The following PTCHD4 variants were observed in gnomAD, a reference collection of about 807,000 sequenced individuals.
PTCHD4 encodes the protein patched domain containing 4.
PTCHD4 carries 33 observed loss-of-function variants against 58.1 expected under a neutral mutation model. That is an observed-to-expected ratio of 0.57 (90% CI 0.43 to 0.76). PTCHD4 has a LOEUF of 0.76. PTCHD4 is among the 30% of genes least tolerant of loss of function. The pLI, the probability that PTCHD4 is intolerant of heterozygous loss-of-function variation, is 0.00. For synonymous variants in PTCHD4, 478 were observed against 409.6 expected (o/e 1.17, Z -2.02); for missense variants, 1,058 against 1,027.1 (o/e 1.03, Z -0.41).
At chr6:47,993,046 C>T (rs1209539961) in intron 4 of PTCHD4, among the ~76,000 whole-genome samples, 2 of 152,166 alleles carry the variant, frequency 1.3e-5, no homozygotes, top group African/African-American at 2.4e-5. Context: ...CTATTTTCAG[C>T]TGCAAAAGCA....
rs1290329278 is a variant in PTCHD4, at chr6:47,868,639, T to A, written c.*9664A>T. Among the ~76,000 whole-genome samples the A allele has an allele frequency of 6.6e-6, 1 of 151,828 alleles. No homozygotes were observed. Among genetic ancestry groups the A allele is most frequent in the Non-Finnish European group, 1.5e-5 (1 of 67,838 alleles). On this transcript the variant is annotated 3_prime_UTR_variant, in exon 5 of 5. Transcript: ENST00000339488. ...GTGGAGAATTTCAACTTGAAGCACA[T>A]ATAAATGACAATAAATAGTACTTTT...
chr6:47,911,236 T>C (rs1198581842), intron 4 of PTCHD4, among the ~76,000 whole-genome samples: 1 of 152,072 alleles, frequency 6.6e-6, no homozygotes, highest in African/African-American at 2.4e-5. Flanking sequence ...TCTTTTCCCT[T>C]CTTTTTCAGG....
chr6:48,063,153 G>A (rs541721390), intron 3 of PTCHD4, among the ~76,000 whole-genome samples: 10 of 152,218 alleles, frequency 6.6e-5, no homozygotes, highest in South Asian at 6.2e-4. Context: ...AAAACTTTGG[G>A]CCAGGTTACA....
chr6:47,979,687 A>G (rs1767810454), intron 4 of PTCHD4, among the ~76,000 whole-genome samples: 2 of 152,114 alleles, frequency 1.3e-5, no homozygotes, highest in Admixed American at 1.3e-4. Context: ...AGTACCTAAT[A>G]TCCAATTTGA....
chr6:47,936,175 G>A (rs979023991), intron 4 of PTCHD4, among the ~76,000 whole-genome samples: 21 of 152,176 alleles, frequency 1.4e-4, no homozygotes, highest in East Asian at 1.9e-4. Context: ...TATTGCAGTC[G>A]ACTAGGTGAA....
In PTCHD4 at chr6:48,085,312, A is replaced by G. The variant is rs531240345; in HGVS notation, c.-969-15386T>C. Among the ~76,000 whole-genome samples the G allele has an allele frequency of 4.6e-5, 7 of 152,348 alleles. No homozygotes were observed. The East Asian group carries it at 1.2e-3, about 25-fold the overall frequency. On this transcript the variant is annotated intron_variant, in intron 1 of 4. Transcript: ENST00000339488. The stretch of plus-strand genomic sequence containing the variant: ...ATACTTATTTTTATCACTATCAGTT[A>G]TAACACATCTTAGCAGATTCCACTT...
rs1301893247 is a variant in PTCHD4 at position 47,874,999 on chromosome 6, T to C, written c.*3304A>G. 1.3e-5 allele frequency among the ~76,000 whole-genome samples: 2 copies of C among 151,808 alleles called. No homozygotes were observed. Among genetic ancestry groups the C allele is most frequent in the African/African-American group, 4.8e-5 (2 of 41,384 alleles). On this transcript the variant is annotated 3_prime_UTR_variant, in exon 5 of 5. Coordinates refer to ENST00000339488, the MANE Select transcript of PTCHD4 (RefSeq NM_001384253.1). ...TTATTAACATCAAAGAGAGTGGAGC[T>C]CACATGGCACTTTCCAATTCAAATT...
At chr6:48,048,510 T>G (rs1485733365) in intron 3 of PTCHD4, among the ~76,000 whole-genome samples, 6 of 151,894 alleles carry the variant, frequency 4.0e-5, no homozygotes, top group African/African-American at 1.4e-4. Context: ...GTTGCCAAAA[T>G]GGGGAAAAAT....
intron 4 of PTCHD4, among the ~76,000 whole-genome samples, chr6:47,988,664 G>T (rs572833028): frequency 2.0e-5 from 3 of 152,122 alleles, no homozygotes; most frequent in African/African-American, 7.2e-5. Context: ...TCTATCAGGG[G>T]GTTCTGCTTT....
intron 1 of PTCHD4, among the ~76,000 whole-genome samples, chr6:48,071,224 C>G (rs1035787236): frequency 1.3e-4 from 20 of 152,196 alleles, no homozygotes; most frequent in African/African-American, 4.8e-4. Flanking sequence ...ATTTCCCACA[C>G]TTCCTTCTTC....
intron 4 of PTCHD4, among the ~76,000 whole-genome samples, chr6:47,950,084 T>C (rs1487555993): frequency 2.3e-5 from 3 of 131,886 alleles, no homozygotes; most frequent in African/African-American, 8.5e-5. Flanking sequence ...CCTGTGTCCA[T>C]GTGTTCTCAT....
chr6:47,917,440 G>A (rs1040312365), intron 4 of PTCHD4, among the ~76,000 whole-genome samples: 13 of 152,186 alleles, frequency 8.5e-5, no homozygotes, highest in African/African-American at 2.4e-4. Context: ...TATACAAATC[G>A]TGTATTACTA....
intron 4 of PTCHD4, among the ~76,000 whole-genome samples, chr6:48,000,736 A>G (rs12525848): frequency 0.047 from 7,193 of 152,160 alleles, 203 homozygotes; most frequent in African/African-American, 0.058. Flanking sequence ...TCCTTTACCT[A>G]TAGTAGGTGA....
At chr6:47,917,729 A>T (rs1406429667) in intron 4 of PTCHD4, among the ~76,000 whole-genome samples, 1 of 152,194 alleles carries the variant, frequency 6.6e-6, no homozygotes, top group African/African-American at 2.4e-5. Context: ...GGAAGTTTGA[A>T]ATATTTCTGG....
At chr6:48,004,692 G>A (rs967056298) in intron 4 of PTCHD4, among the ~76,000 whole-genome samples, 3 of 152,266 alleles carry the variant, frequency 2.0e-5, no homozygotes, top group Admixed American at 6.5e-5. Flanking sequence ...CAAGGCAGGT[G>A]GATCACCTGA....
At chr6:47,944,709 C>A (rs1040564666) in intron 4 of PTCHD4, among the ~76,000 whole-genome samples, 2 of 152,030 alleles carry the variant, frequency 1.3e-5, no homozygotes, top group African/African-American at 4.8e-5. Flanking sequence ...TCTCTGTTTG[C>A]AATGAAACTT....
At chr6:47,884,555 A>C (rs996293276) in intron 4 of PTCHD4, among the ~76,000 whole-genome samples, 2 of 152,192 alleles carry the variant, frequency 1.3e-5, no homozygotes, top group African/African-American at 4.8e-5. Flanking sequence ...TATAAATGTG[A>C]CATGCCCCAC....
Position 47,931,505 on chromosome 6 carries a change from A to G in PTCHD4, c.899-51569T>C, listed in dbSNP as rs571756523. On this transcript the variant is annotated intron_variant, in intron 4 of 4. Transcript: ENST00000339488. The stretch of plus-strand genomic sequence containing the variant: ...GAATTAAATGCATGAATAAAGGAGC[A>G]CATTTGTAGTGGTAATTTCAGATGG... Among the ~76,000 whole-genome samples, 34 of 152,320 alleles carry G rather than the reference A, an allele frequency of 2.2e-4. 1 individual carries two copies. In the South Asian group the frequency reaches 6.4e-3, roughly 29 times the overall value.
chr6:47,883,225 G>C (rs1368794487), intron 4 of PTCHD4, among the ~76,000 whole-genome samples: 1 of 151,976 alleles, frequency 6.6e-6, no homozygotes, highest in African/African-American at 2.4e-5. Context: ...CAACTGTCCA[G>C]AAAGTCATTT....
Sources: gnomAD v4.1 joint callset for allele counts (sites outside exome capture counted in the v4.1 genomes callset) on GRCh38, gnomAD v4.1.1 for gene constraint, MANE v1.5 for transcripts, NCBI Gene and HGNC (gene_info 2026-07-23, HGNC 2026-07-21) for gene names.